The following SLC35F3 variants were observed in gnomAD, a reference collection of about 807,000 sequenced individuals.
The protein encoded by SLC35F3 is putative thiamine transporter SLC35F3.
SLC35F3 carries 25 observed loss-of-function variants against 49.9 expected under a neutral mutation model. The ratio of observed to expected loss-of-function variants is 0.50; its 90% CI spans 0.37 to 0.70. SLC35F3 has a LOEUF of 0.70. Ranked by LOEUF, SLC35F3 falls within the 30% of genes least tolerant of loss-of-function variation. The pLI is 0.00. For missense variants in SLC35F3, 525 were observed against 639.8 expected (o/e 0.82, Z 1.94); for synonymous variants, 275 against 265.4 (o/e 1.04, Z -0.35).
At chr1:233,976,963 T>C (rs999195927) in intron 2 of SLC35F3, among the ~76,000 whole-genome samples, 4 of 152,248 alleles carry the variant, frequency 2.6e-5, no homozygotes, top group African/African-American at 9.6e-5. Flanking sequence ...TGGTAGCCTT[T>C]TGACAATTGC....
intron 2 of SLC35F3, among the ~76,000 whole-genome samples, chr1:233,939,593 T>C (rs1187548988): frequency 6.6e-6 from 1 of 152,182 alleles, no homozygotes; most frequent in Non-Finnish European, 1.5e-5. Flanking sequence ...CAGCTTATAT[T>C]AGAGCTGTGT....
intron 2 of SLC35F3, among the ~76,000 whole-genome samples, chr1:234,110,217 A>G (rs1050375136): frequency 9.9e-5 from 15 of 152,196 alleles, no homozygotes; most frequent in African/African-American, 2.7e-4. Flanking sequence ...TTCAGATCCT[A>G]TATTCCTTGC....
intron 3 of SLC35F3, among the ~76,000 whole-genome samples, chr1:234,273,706 G>A (rs1261621895): frequency 6.6e-6 from 1 of 152,198 alleles, no homozygotes; most frequent in East Asian, 1.9e-4. Flanking sequence ...GGTGTTGAGG[G>A]TCTGGAGCAG....
intron 2 of SLC35F3, among the ~76,000 whole-genome samples, chr1:233,922,934 G>T (rs144232010): frequency 4.6e-5 from 7 of 152,062 alleles, no homozygotes; most frequent in African/African-American, 1.7e-4. Flanking sequence ...TTTTTGTCAG[G>T]TTTGTCAAAG....
chr1:233,985,997 C>T (rs1366026147), intron 2 of SLC35F3, among the ~76,000 whole-genome samples: 3 of 152,294 alleles, frequency 2.0e-5, no homozygotes, highest in African/African-American at 7.2e-5. Context: ...TTACTGCTTC[C>T]TAGCTGTGCA....
chr1:233,982,411 G>A (rs1663201127), intron 2 of SLC35F3, among the ~76,000 whole-genome samples: 1 of 151,744 alleles, frequency 6.6e-6, no homozygotes. Context: ...TTTTGCTCTT[G>A]TTGCCCAGGC....
At chr1:234,105,052 G>A (rs577249958) in intron 2 of SLC35F3, among the ~76,000 whole-genome samples, 30 of 151,768 alleles carry the variant, frequency 2.0e-4, no homozygotes, top group African/African-American at 7.0e-4. Context: ...GGCGTGAACC[G>A]GGGAGGCAAA....
intron 2 of SLC35F3, among the ~76,000 whole-genome samples, chr1:233,914,248 C>A (rs770354536): frequency 4.6e-5 from 7 of 152,136 alleles, no homozygotes; most frequent in South Asian, 2.1e-4. Flanking sequence ...TCTGACAGAG[C>A]GGTCTATTGA....
chr1:234,038,614 CATTT>C (rs1316013552), intron 2 of SLC35F3, among the ~76,000 whole-genome samples: 1 of 152,158 alleles, frequency 6.6e-6, no homozygotes, highest in Non-Finnish European at 1.5e-5. Flanking sequence ...CAAAAGAAGA[CATTT>C]ATGCAGCCAA....
chr1:234,155,681 A>T (rs754079560), intron 2 of SLC35F3, among the ~76,000 whole-genome samples: 1 of 151,964 alleles, frequency 6.6e-6, no homozygotes, highest in Non-Finnish European at 1.5e-5. Flanking sequence ...CTAATGACAT[A>T]TAAGAATTAA....
At chr1:234,098,504 G>A (rs1223031143) in intron 2 of SLC35F3, among the ~76,000 whole-genome samples, 3 of 151,132 alleles carry the variant, frequency 2.0e-5, no homozygotes, top group Non-Finnish European at 4.4e-5. Flanking sequence ...TGGCAGTTCG[G>A]ATGGTGGTGG....
chr1:234,116,809 C>A (rs1203788178), intron 2 of SLC35F3, among the ~76,000 whole-genome samples: 2 of 152,130 alleles, frequency 1.3e-5, no homozygotes, highest in African/African-American at 2.4e-5. Context: ...CCACCGCGCC[C>A]AGCCTAGAGC....
Position 234,148,038 on chromosome 1 carries a change from A to G in SLC35F3, c.284-83379A>G, listed in dbSNP as rs750309547. 3.4e-4 allele frequency among the ~76,000 whole-genome samples: 51 copies of G among 152,218 alleles called. 1 individual carries two copies. The highest frequency in any genetic ancestry group is 5.1e-4 in the Non-Finnish European group (35 of 68,030). ...TTATAACGGCAAGAAGGGGAGAGAA[A>G]GAGAGAGTGATTGTCCAAGGAGGGG... is the stretch of plus-strand genomic sequence containing the variant. On this transcript the variant is annotated intron_variant, in intron 2 of 7. Transcript: ENST00000366618.
At chr1:233,984,380 C>T (rs1477871827) in intron 2 of SLC35F3, among the ~76,000 whole-genome samples, 1 of 152,208 alleles carries the variant, frequency 6.6e-6, no homozygotes, top group Non-Finnish European at 1.5e-5. Context: ...TGCAAAGCGC[C>T]AAGCAAGGAG....
At chr1:234,117,989 A>C (rs1665519404) in intron 2 of SLC35F3, among the ~76,000 whole-genome samples, 1 of 149,862 alleles carries the variant, frequency 6.7e-6, no homozygotes. Flanking sequence ...ACCACAAGAA[A>C]CTGTGAGATA....
chr1:234,185,006 G>A (rs754462317), intron 2 of SLC35F3, among the ~76,000 whole-genome samples: 2 of 152,230 alleles, frequency 1.3e-5, no homozygotes, highest in Non-Finnish European at 2.9e-5. Flanking sequence ...GAACACCAAG[G>A]TGGGCACAGT....
At chr1:234,232,544 A>G in intron 3 of SLC35F3, among the ~76,000 whole-genome samples, 5 of 150,754 alleles carry the variant, frequency 3.3e-5, no homozygotes, top group African/African-American at 7.4e-5. Context: ...AAAAAAAGAA[A>G]AAGAAAAAAA....
chr1:234,296,648 G>C lies in SLC35F3; in HGVS notation c.609-12453G>C, dbSNP rs371516412. The stretch of plus-strand genomic sequence containing the variant: ...CTGTGAATCTAGCAAGTTGGCCAGG[G>C]GCCCTGTGGACCAGCGATGCTTTGG... On this transcript the variant is annotated intron_variant, in intron 3 of 7. Coordinates refer to ENST00000366618, the MANE Select transcript of SLC35F3 (RefSeq NM_173508.4). 7.9e-5 allele frequency among the ~76,000 whole-genome samples: 12 copies of C among 152,330 alleles called. No individual in the cohort carries two copies. In the East Asian group the frequency reaches 2.3e-3, roughly 29 times the overall value.
At chr1:234,014,857 T>C (rs952296646) in intron 2 of SLC35F3, among the ~76,000 whole-genome samples, 4 of 152,192 alleles carry the variant, frequency 2.6e-5, no homozygotes, top group African/African-American at 9.7e-5. Context: ...GTATTCTGCA[T>C]TCATGGATAA....
Sources: allele counts gnomAD v4.1 joint callset (sites outside exome capture counted in the v4.1 genomes callset), GRCh38; gene constraint gnomAD v4.1.1; transcripts MANE v1.5; gene names NCBI Gene and HGNC (gene_info 2026-07-23, HGNC 2026-07-21).